The following CACNA1C variants were observed in gnomAD, a reference collection of about 807,000 sequenced individuals.
CACNA1C encodes the protein voltage-dependent L-type calcium channel subunit alpha-1C.
Under a neutral mutation model 229.0 loss-of-function variants are expected in CACNA1C, and 30 were observed. The ratio of observed to expected loss-of-function variants is 0.13; its 90% CI spans 0.10 to 0.18. The LOEUF (loss-of-function observed/expected upper bound fraction) is 0.18, where lower values mean the gene tolerates loss of function less well. CACNA1C is among the 10% of genes least tolerant of loss of function. The probability of loss-of-function intolerance (pLI) is 1.00; values close to 1 mark genes in which losing one functional copy is unlikely to be tolerated. For synonymous variants in CACNA1C, 1,114 were observed against 1,132.5 expected (o/e 0.98, Z 0.33); for missense variants, 1,658 against 2,845.0 (o/e 0.58, Z 9.49).
intron 3 of CACNA1C, among the ~76,000 whole-genome samples, chr12:2,445,683 G>A (rs117826032): frequency 0.01 from 1,588 of 152,166 alleles, 17 homozygotes; most frequent in Non-Finnish European, 0.019. Flanking sequence ...ACCACACCCC[G>A]CGACCCATGG....
intron 3 of CACNA1C, among the ~76,000 whole-genome samples, chr12:2,241,040 C>A (rs985218009): frequency 3.3e-5 from 5 of 152,058 alleles, no homozygotes; most frequent in African/African-American, 1.2e-4. Flanking sequence ...CAAATAATGC[C>A]AGAGTGAGCC....
At chr12:2,325,631 A>G (rs1248202361) in intron 3 of CACNA1C, among the ~76,000 whole-genome samples, 1 of 152,274 alleles carries the variant, frequency 6.6e-6, no homozygotes, top group East Asian at 1.9e-4. Context: ...TGCACAGCAC[A>G]GAGCCTGGCA....
chr12:2,420,145 G>GTGTGTGTGTGTGTGTGTC (rs1260767453), intron 3 of CACNA1C, among the ~76,000 whole-genome samples: 1 of 150,292 alleles, frequency 6.7e-6, no homozygotes, highest in African/African-American at 2.5e-5. Flanking sequence ...GTGTGTGTGT[G>GTGTGTGTGTGTGTGTGTC]TGTAGGGGGA....
intron 3 of CACNA1C, among the ~76,000 whole-genome samples, chr12:2,277,346 GACAGACAGACAGACAGACACAC>G (rs2088869288): frequency 2.9e-5 from 2 of 67,862 alleles, no homozygotes; most frequent in Non-Finnish European, 5.9e-5. Flanking sequence ...CAGACAGACA[GACAGACAGACAGACAGACACAC>G]ACACACACAC....
intron 3 of CACNA1C, among the ~76,000 whole-genome samples, chr12:2,355,294 T>A (rs908858256): frequency 3.9e-5 from 6 of 152,106 alleles, no homozygotes; most frequent in Admixed American, 2.0e-4. Flanking sequence ...CCACATCAGT[T>A]GTTAAATATT....
intron 9 of CACNA1C, among the ~76,000 whole-genome samples, chr12:2,534,485 C>A (rs956766995): frequency 6.6e-6 from 1 of 152,236 alleles, no homozygotes; most frequent in African/African-American, 2.4e-5. Flanking sequence ...AGTCCCCTTA[C>A]AACCAACAAC....
intron 1 of CACNA1C, among the ~76,000 whole-genome samples, chr12:2,043,590 G>A (rs1366234439): frequency 6.6e-6 from 1 of 151,730 alleles, no homozygotes; most frequent in Non-Finnish European, 1.5e-5. Flanking sequence ...ATGCAGAATG[G>A]CTGAGAAGCT....
intron 3 of CACNA1C, among the ~76,000 whole-genome samples, chr12:2,445,497 AGG>A (rs2099268719): frequency 6.6e-6 from 1 of 152,202 alleles, no homozygotes; most frequent in Non-Finnish European, 1.5e-5. Flanking sequence ...GCCAGGATGC[AGG>A]ACAAATGTTA....
chr12:2,189,298 G>A (rs573615113), intron 3 of CACNA1C, among the ~76,000 whole-genome samples: 29 of 152,214 alleles, frequency 1.9e-4, no homozygotes, highest in Admixed American at 1.1e-3. Flanking sequence ...TGGATGCAGC[G>A]AGGACAGAGG....
intron 32 of CACNA1C, among the ~76,000 whole-genome samples, chr12:2,652,630 G>C (rs751265503): frequency 3.3e-5 from 5 of 152,216 alleles, no homozygotes; most frequent in Non-Finnish European, 7.3e-5. Context: ...GCCTGGGCCT[G>C]GTCCAGGTGA....
upstream of CACNA1C, among the ~76,000 whole-genome samples, chr12:2,051,943 G>A (rs550405575): frequency 2.0e-5 from 3 of 152,326 alleles, no homozygotes; most frequent in African/African-American, 4.8e-5. Context: ...GGGAATGAGG[G>A]TGGATGTGGA....
intron 9 of CACNA1C, among the ~76,000 whole-genome samples, chr12:2,525,241 G>A (rs1354159215): frequency 2.6e-5 from 4 of 152,174 alleles, no homozygotes; most frequent in African/African-American, 9.7e-5. Context: ...GTGGACAATG[G>A]GCTGGAAGGA....
intron 1 of CACNA1C, among the ~76,000 whole-genome samples, chr12:2,046,506 G>A (rs924344842): frequency 6.6e-6 from 1 of 152,144 alleles, no homozygotes; most frequent in Non-Finnish European, 1.5e-5. Context: ...GCTTGCTGAG[G>A]TAGAGGGCCA....
chr12:2,478,615 G>C (rs1035266057), intron 5 of CACNA1C, among the ~76,000 whole-genome samples: 3 of 152,164 alleles, frequency 2.0e-5, no homozygotes, highest in African/African-American at 4.8e-5. Flanking sequence ...GTTGTTCTGG[G>C]CACTTTGCTT....
chr12:2,665,695 G>T lies in CACNA1C; in HGVS notation c.4513G>T (p.Asp1505Tyr). The change falls in exon 36 of 47, where the codon GAC (aspartate) becomes TAC (tyrosine). Residue 1505 changes from aspartate (D) to tyrosine (Y), a missense_variant. Physicochemically the swap from Asp to Tyr is radical, Grantham distance 160 (BLOSUM62 -3). Transcript: ENST00000399655. This position sits in a 1 kb window ranked among gnomAD's most constrained non-coding sequence, Gnocchi z 5.9. ...DEFKRIWAEY[D>Y]PEAKGRIKHL... ...GTTTAAAAGAATCTGGGCAGAGTAT[G>T]ACCCTGAAGCCAAGTAAGTTCCCAG... 6.2e-7 allele frequency: 1 copy of T among 1,613,056 alleles called. No individual in the cohort carries two copies. Among genetic ancestry groups the T allele is most frequent in the South Asian group, 1.1e-5 (1 of 90,976 alleles).
chr12:1,973,638 C>T (rs145540477), intron 1 of CACNA1C, among the ~76,000 whole-genome samples: 1,563 of 152,224 alleles, frequency 0.01, 32 homozygotes, highest in African/African-American at 0.035. Flanking sequence ...CTCAGGTTTA[C>T]CAAAGGTCAT....
Position 2,685,827 on chromosome 12 carries a change from C to T in CACNA1C, c.5665C>T (p.Arg1889Cys), listed in dbSNP as rs185788586. The change falls in exon 44 of 47, where the codon CGC (arginine) becomes TGC (cysteine). Residue 1889 changes from arginine to cysteine, a missense_variant. By Grantham distance (180) the Arg-to-Cys change is radical. Around this residue, in one of 20 missense-constraint regions of CACNA1C, gnomAD observed 590 missense variants for 700.8 expected, o/e 0.84. Transcript: ENST00000399655. ...IRQSPKRGFL[R>C]SASLGRRASF... ...GCAATCTCCGAAGAGGGGTTTCCTC[C>T]GCTCTGCCTCACTAGGTAAATGCAC... 4,350 of 1,612,066 alleles carry T rather than the reference C, an allele frequency of 2.7e-3. 136 individuals are homozygous for T. In the Admixed American group the frequency reaches 0.057, roughly 21 times the overall value.
intron 1 of CACNA1C, among the ~76,000 whole-genome samples, chr12:1,988,976 T>G (rs2038612613): frequency 6.6e-6 from 1 of 152,242 alleles, no homozygotes; most frequent in Non-Finnish European, 1.5e-5. Flanking sequence ...TTTTCTGATT[T>G]GATCTAAACT....
At chr12:2,396,369 C>T (rs1444566894) in intron 3 of CACNA1C, among the ~76,000 whole-genome samples, 2 of 152,070 alleles carry the variant, frequency 1.3e-5, no homozygotes, top group South Asian at 2.1e-4. Context: ...TTTCGGTGTC[C>T]GAGTCAAGGG....
Sources: allele counts gnomAD v4.1 joint callset (sites outside exome capture counted in the v4.1 genomes callset), GRCh38; gene constraint gnomAD v4.1.1; regional missense constraint gnomAD v4.1.1; non-coding constraint Gnocchi (gnomAD v3.1); transcripts MANE v1.5; gene names NCBI Gene and HGNC (gene_info 2026-07-23, HGNC 2026-07-21).